The following PAQR5 variants were observed in gnomAD, a reference collection of about 807,000 sequenced individuals.
PAQR5 encodes the protein membrane progestin receptor gamma.
In PAQR5, 20 loss-of-function variants were observed where a neutral mutation model predicts 34.5. The ratio of observed to expected loss-of-function variants is 0.58; its 90% CI spans 0.41 to 0.84. The LOEUF (loss-of-function observed/expected upper bound fraction) is 0.84. Ranked by LOEUF, PAQR5 falls within the 40% of genes least tolerant of loss-of-function variation. The pLI is 0.00. For missense variants in PAQR5, 378 were observed against 412.7 expected (o/e 0.92, Z 0.73); for synonymous variants, 131 against 155.6 (o/e 0.84, Z 1.18).
At position 69,403,579 on chromosome 15, in the gene PAQR5, A is replaced by G; in HGVS notation, c.752-2A>G. The G allele has an allele frequency of 6.2e-7, 1 of 1,613,722 alleles. No individual in the cohort carries two copies. Among genetic ancestry groups the G allele is most frequent in the Non-Finnish European group, 8.5e-7 (1 of 1,179,676 alleles). On this transcript the variant is annotated splice_acceptor_variant, in intron 8 of 8. Transcript: ENST00000395407. LOFTEE classifies it high-confidence loss of function. The stretch of plus-strand genomic sequence containing the variant: ...CTTGACGGCCTTTTGTGTTTGCCAT[A>G]GGTCACAGTCACCAGCTGTTTCACG...
intron 3 of PAQR5, among the ~76,000 whole-genome samples, chr15:69,374,987 C>A (rs1396488401): frequency 6.6e-6 from 1 of 152,150 alleles, no homozygotes; most frequent in Non-Finnish European, 1.5e-5. Context: ...CCCCAGCCAC[C>A]ACACTGCAGT....
chr15:69,376,444 G>A (rs922959902), intron 3 of PAQR5, among the ~76,000 whole-genome samples: 4 of 152,170 alleles, frequency 2.6e-5, no homozygotes, highest in East Asian at 3.9e-4. Context: ...TCTTTCCTGT[G>A]CTCACAGGAG....
chr15:69,335,333 C>A (rs1264458565), intron 1 of PAQR5, among the ~76,000 whole-genome samples: 2 of 146,632 alleles, frequency 1.4e-5, no homozygotes, highest in East Asian at 4.1e-4. Flanking sequence ...ACAACCTCTG[C>A]CTCCTGGGTT....
At chr15:69,386,984 C>T (rs138899453) in intron 5 of PAQR5, among the ~76,000 whole-genome samples, 1 of 152,050 alleles carries the variant, frequency 6.6e-6, no homozygotes, top group South Asian at 2.1e-4. Context: ...CCCACGCCCA[C>T]CCTCTGGCCA....
chr15:69,315,463 G>A (rs1595841123), intron 1 of PAQR5, among the ~76,000 whole-genome samples: 1 of 152,244 alleles, frequency 6.6e-6, no homozygotes, highest in South Asian at 2.1e-4. Context: ...AATGGGTCTC[G>A]AATGGGGAAA....
At chr15:69,368,857 T>C (rs2055476595) in intron 3 of PAQR5, among the ~76,000 whole-genome samples, 1 of 152,044 alleles carries the variant, frequency 6.6e-6, no homozygotes, top group Admixed American at 6.6e-5. Flanking sequence ...CCTTAAACTC[T>C]TGGGCTCAAG....
At chr15:69,362,148 G>A (rs944375878) in intron 3 of PAQR5, among the ~76,000 whole-genome samples, 1 of 152,214 alleles carries the variant, frequency 6.6e-6, no homozygotes, top group Non-Finnish European at 1.5e-5. Context: ...TGAATGTCAG[G>A]GCTGGACAAC....
intron 4 of PAQR5, among the ~76,000 whole-genome samples, chr15:69,384,133 T>C: frequency 7.5e-6 from 1 of 133,614 alleles, no homozygotes; most frequent in South Asian, 2.6e-4. Context: ...GTGCTCATGG[T>C]GGAGGGTGAG....
At chr15:69,303,610 A>G (rs376572625) in intron 1 of PAQR5, among the ~76,000 whole-genome samples, 1 of 150,282 alleles carries the variant, frequency 6.7e-6, no homozygotes, top group Non-Finnish European at 1.5e-5. Context: ...TCAGTCAGTC[A>G]ATCAATTCTC....
intron 6 of PAQR5, among the ~76,000 whole-genome samples, chr15:69,394,137 A>G (rs544236562): frequency 6.7e-6 from 1 of 149,638 alleles, no homozygotes; most frequent in South Asian, 2.1e-4. Flanking sequence ...TTTTTCAAAG[A>G]GCTGCTGAGT....
chr15:69,341,772 T>A (rs1273011696), intron 2 of PAQR5, among the ~76,000 whole-genome samples: 1 of 151,794 alleles, frequency 6.6e-6, no homozygotes, highest in Non-Finnish European at 1.5e-5. Flanking sequence ...TAGGGAGGAC[T>A]CATCTCTACA....
chr15:69,388,335 C>G (rs1000265560), intron 5 of PAQR5, among the ~76,000 whole-genome samples: 6 of 152,332 alleles, frequency 3.9e-5, no homozygotes, highest in Non-Finnish European at 4.4e-5. Flanking sequence ...TGAAAGCCTC[C>G]CTGCCCTCAG....
At chr15:69,396,991 A>T in intron 6 of PAQR5, 1 of 358,030 alleles carries the variant, frequency 2.8e-6, no homozygotes. Flanking sequence ...AGGGTCAAAC[A>T]CCTACTTGAA....
intron 3 of PAQR5, among the ~76,000 whole-genome samples, chr15:69,373,497 G>T (rs1595907634): frequency 6.6e-6 from 1 of 152,148 alleles, no homozygotes; most frequent in Non-Finnish European, 1.5e-5. Flanking sequence ...CAGCGGAATT[G>T]CTCTGTTATT....
At chr15:69,371,749 A>C (rs2055569006) in intron 3 of PAQR5, among the ~76,000 whole-genome samples, 1 of 152,196 alleles carries the variant, frequency 6.6e-6, no homozygotes, top group Non-Finnish European at 1.5e-5. Context: ...AGTCCTATAC[A>C]TATTTAAAAT....
chr15:69,403,103 G>C (rs2056684838), intron 8 of PAQR5, among the ~76,000 whole-genome samples: 4 of 152,242 alleles, frequency 2.6e-5, no homozygotes, highest in Admixed American at 2.6e-4. Context: ...ATCAGTGCTG[G>C]CTCTCAAGAG....
intron 1 of PAQR5, among the ~76,000 whole-genome samples, chr15:69,313,996 G>A (rs957048555): frequency 2.0e-5 from 3 of 152,008 alleles, no homozygotes; most frequent in Non-Finnish European, 2.9e-5. Flanking sequence ...CTCCCCAAGC[G>A]CCCAGGGAAC....
chr15:69,394,126 T>G (rs116789450), intron 6 of PAQR5, among the ~76,000 whole-genome samples: 1,556 of 151,974 alleles, frequency 0.01, 17 homozygotes, highest in African/African-American at 0.027. Context: ...TTTGTTTTTT[T>G]TTTTTCAAAG....
rs78818540 is a variant in PAQR5 at position 69,375,491 on chromosome 15, C to T, written c.52-4392C>T. Among the ~76,000 whole-genome samples, 1,453 of 152,114 alleles carry T rather than the reference C, an allele frequency of 9.6e-3. 22 individuals carry two copies. The highest frequency in any genetic ancestry group is 0.032 in the African/African-American group (1,335 of 41,458). ...GATTTAGTTCATAATGGCACTTTAA[C>T]GAAGAAGAATCTAAGGCTCAGAGAA... On this transcript the variant is annotated intron_variant, in intron 3 of 8. Transcript: ENST00000395407.
Sources: allele counts gnomAD v4.1 joint callset (sites outside exome capture counted in the v4.1 genomes callset), GRCh38; gene constraint gnomAD v4.1.1; transcripts MANE v1.5; gene names NCBI Gene and HGNC (gene_info 2026-07-23, HGNC 2026-07-21).